The following PTPN9 variants were observed in gnomAD, a reference collection of about 807,000 sequenced individuals.
PTPN9 encodes the protein protein tyrosine phosphatase non-receptor type 9, also known as tyrosine-protein phosphatase non-receptor type 9.
In PTPN9, 26 loss-of-function variants were observed where a neutral mutation model predicts 69.8. The ratio of observed to expected loss-of-function variants is 0.37; its 90% CI spans 0.27 to 0.52. The LOEUF (loss-of-function observed/expected upper bound fraction) is 0.52, where lower values mean the gene tolerates loss of function less well. Among genes scored for constraint, PTPN9 ranks in the 20% least tolerant of loss-of-function variants. PTPN9 has a pLI of 0.91. For synonymous variants in PTPN9, 274 were observed against 272.5 expected, an observed-to-expected ratio of 1.01 and a Z score of -0.05; for missense variants, 549 against 740.3, an observed-to-expected ratio of 0.74 and a Z score of 3.00.
At chr15:75,506,045 G>T in intron 6 of PTPN9, 42 bp from the exon 7 acceptor site, 1 of 1,458,250 alleles carries the variant, frequency 6.9e-7, no homozygotes, top group Non-Finnish European at 9.5e-7. Flanking sequence ...TGGGAGGAGG[G>T]AAAGGCATAT....
chr15:75,504,354 G>C (rs2074800720), intron 7 of PTPN9, among the ~76,000 whole-genome samples: 2 of 121,842 alleles, frequency 1.6e-5, no homozygotes, highest in African/African-American at 6.4e-5. Context: ...CCCTCTGCCG[G>C]GCCAGCCACC....
intron 1 of PTPN9, among the ~76,000 whole-genome samples, chr15:75,540,298 C>G (rs546666977): frequency 6.6e-6 from 1 of 152,118 alleles, no homozygotes; most frequent in Admixed American, 6.5e-5. Context: ...TGTTGGCTCA[C>G]GCCTGTAATC....
At chr15:75,551,749 G>T (rs1469767238) in intron 1 of PTPN9, among the ~76,000 whole-genome samples, 2 of 152,026 alleles carry the variant, frequency 1.3e-5, no homozygotes, top group Non-Finnish European at 2.9e-5. Context: ...ACAATTTTTT[G>T]ACTTTAGCCA....
chr15:75,574,942 C>CAAAAA (rs771896991), intron 1 of PTPN9, among the ~76,000 whole-genome samples: 1 of 27,038 alleles, frequency 3.7e-5, no homozygotes, highest in Non-Finnish European at 7.1e-5. Context: ...AACTCTGTCT[C>CAAAAA]AAAAAAAAAA....
At chr15:75,561,495 G>C (rs866507914) in intron 1 of PTPN9, among the ~76,000 whole-genome samples, 1 of 151,882 alleles carries the variant, frequency 6.6e-6, no homozygotes, top group African/African-American at 2.4e-5. Flanking sequence ...CCCAGATATT[G>C]ATAGGCAAGT....
chr15:75,478,318 T>C (rs2074608561), intron 9 of PTPN9, among the ~76,000 whole-genome samples: 1 of 151,088 alleles, frequency 6.6e-6, no homozygotes, highest in Admixed American at 6.6e-5. Context: ...TTGGTCAGGC[T>C]GGTCTCGAAC....
intron 1 of PTPN9, among the ~76,000 whole-genome samples, chr15:75,530,955 A>AAT (rs1045317491): frequency 2.3e-5 from 3 of 128,806 alleles, no homozygotes. Context: ...TATTATATAT[A>AAT]ATATATATAA....
At chr15:75,569,449 A>G (rs2075139338) in intron 1 of PTPN9, among the ~76,000 whole-genome samples, 1 of 152,134 alleles carries the variant, frequency 6.6e-6, no homozygotes, top group Non-Finnish European at 1.5e-5. Flanking sequence ...TCACGCCTGT[A>G]ATCCCAGCAC....
At chr15:75,493,502 T>C (rs1027489216) in intron 7 of PTPN9, among the ~76,000 whole-genome samples, 15 of 152,114 alleles carry the variant, frequency 9.9e-5, no homozygotes, top group African/African-American at 3.1e-4. Flanking sequence ...AGCTCATGCC[T>C]GTTATCCCAG....
chr15:75,564,368 G>A (rs919144234), intron 1 of PTPN9, among the ~76,000 whole-genome samples: 3 of 152,122 alleles, frequency 2.0e-5, no homozygotes, highest in Non-Finnish European at 4.4e-5. Flanking sequence ...GCTGAGGCGG[G>A]TAGATCAGGA....
At chr15:75,562,711 A>T (rs944933477) in intron 1 of PTPN9, among the ~76,000 whole-genome samples, 6 of 143,624 alleles carry the variant, frequency 4.2e-5, no homozygotes, top group Admixed American at 2.2e-4. Flanking sequence ...GGGCGCCCGT[A>T]GTCCCAGCTA....
intron 1 of PTPN9, among the ~76,000 whole-genome samples, chr15:75,566,633 C>G (rs916899301): frequency 6.6e-6 from 1 of 151,494 alleles, no homozygotes; most frequent in East Asian, 1.9e-4. Flanking sequence ...GAGCTGAGAT[C>G]GCACCACTGC....
chr15:75,555,133 T>C (rs1199816263), intron 1 of PTPN9, among the ~76,000 whole-genome samples: 1 of 152,228 alleles, frequency 6.6e-6, no homozygotes, highest in Non-Finnish European at 1.5e-5. Context: ...TGATAAATGC[T>C]AGTCTTTGAG....
At chr15:75,570,649 T>C (rs144532959) in intron 1 of PTPN9, among the ~76,000 whole-genome samples, 1 of 151,846 alleles carries the variant, frequency 6.6e-6, no homozygotes, top group East Asian at 2.0e-4. Flanking sequence ...ATGCCTGTAG[T>C]CCCAGGAACC....
intron 1 of PTPN9, among the ~76,000 whole-genome samples, chr15:75,539,272 T>G (rs1027831172): frequency 6.7e-6 from 1 of 149,738 alleles, no homozygotes; most frequent in African/African-American, 2.5e-5. Context: ...GTAAACAAAT[T>G]ACATTTACTA....
In PTPN9 at chr15:75,513,527, G is replaced by A. The variant is rs150487980; in HGVS notation, c.528+3732C>T. ...CACACCTGTAATCCCAGGACTTTGA[G>A]AGGCCAAGGTGGATGGATCACTTGA... On this transcript the variant is annotated intron_variant, in intron 5 of 12. Transcript: ENST00000618819. 5.2e-4 allele frequency: 212 copies of A among 406,002 alleles called. 2 individuals carry two copies. In the East Asian group the frequency reaches 0.012, roughly 23 times the overall value. 25.1% of individuals were successfully genotyped at this position (406,002 alleles called of 1,614,324 possible).
intron 1 of PTPN9, among the ~76,000 whole-genome samples, chr15:75,536,156 A>G (rs533505165): frequency 1.8e-4 from 27 of 152,336 alleles, no homozygotes; most frequent in African/African-American, 6.5e-4. Context: ...CTGTGCACAC[A>G]CACATTTAAA....
rs1366915970 is a variant in PTPN9 at position 75,467,800 on chromosome 15, AAGAG to A, written c.*965_*968del. On this transcript the variant is annotated 3_prime_UTR_variant, in exon 13 of 13. Transcript: ENST00000618819. ...TCCCATCCCTGGGATAGTGAAAGCA[AAGAG>A]AGAGTATGGAATCACAGTGGAGGTC... 6.6e-6 allele frequency: 1 copy of A among 152,608 alleles called. No individual in the cohort carries two copies. The highest frequency in any genetic ancestry group is 1.5e-5 in the Non-Finnish European group (1 of 68,044). The allele number at this position is 152,608 out of a possible 1,614,324, so 9.5% of individuals were successfully genotyped here.
chr15:75,533,481 G>A (rs12909863), intron 1 of PTPN9, among the ~76,000 whole-genome samples: 1 of 151,824 alleles, frequency 6.6e-6, no homozygotes, highest in African/African-American at 2.4e-5. Context: ...GGCTGATCTC[G>A]AACTCCTGGG....
Sources: allele counts gnomAD v4.1 joint callset (sites outside exome capture counted in the v4.1 genomes callset), GRCh38; gene constraint gnomAD v4.1.1; transcripts MANE v1.5; gene names NCBI Gene and HGNC (gene_info 2026-07-23, HGNC 2026-07-21).